The following ANO6 variants were observed in gnomAD, a reference collection of about 807,000 sequenced individuals.
The protein encoded by ANO6 is anoctamin-6.
Under a neutral mutation model 117.5 loss-of-function variants are expected in ANO6, and 106 were observed. The ratio of observed to expected loss-of-function variants is 0.90; its 90% CI spans 0.77 to 1.06. ANO6 has a LOEUF of 1.06. ANO6 is among the 50% of genes least tolerant of loss of function. The pLI, the probability that ANO6 is intolerant of heterozygous loss-of-function variation, is 0.00. For synonymous variants in ANO6, 367 were observed against 385.1 expected (o/e 0.95, Z 0.55); for missense variants, 955 against 1,121.1 (o/e 0.85, Z 2.12).
intron 19 of ANO6, among the ~76,000 whole-genome samples, chr12:45,426,824 T>C: frequency 6.6e-6 from 1 of 152,060 alleles, no homozygotes; most frequent in East Asian, 1.9e-4. Flanking sequence ...GATGATCTCC[T>C]GGAGTCTGCT....
chr12:45,437,871 A>T (rs1365454446), intron 19 of ANO6, among the ~76,000 whole-genome samples: 1 of 152,176 alleles, frequency 6.6e-6, no homozygotes, highest in Non-Finnish European at 1.5e-5. Flanking sequence ...ACCCGACCTC[A>T]AAACTTTTAA....
At chr12:45,269,046 C>G (rs1938308765) in intron 1 of ANO6, among the ~76,000 whole-genome samples, 3 of 152,200 alleles carry the variant, frequency 2.0e-5, no homozygotes, top group Admixed American at 2.0e-4. Context: ...TCCAAGCTAA[C>G]AGCGGCAGCC....
chr12:45,350,892 T>G (rs1941263495), intron 7 of ANO6, 118 bp downstream of exon 7: 2 of 835,244 alleles, frequency 2.4e-6, no homozygotes, highest in Non-Finnish European at 3.9e-6. Flanking sequence ...CCCAGAGTGC[T>G]GAGCTTCGTT....
At chr12:45,406,873 A>C (rs1008143544) in intron 15 of ANO6, among the ~76,000 whole-genome samples, 2 of 152,242 alleles carry the variant, frequency 1.3e-5, no homozygotes, top group African/African-American at 4.8e-5. Context: ...GGAGTTGAAG[A>C]GGAAGTGAGA....
chr12:45,390,531 A>T, intron 12 of ANO6, 33 bp downstream of exon 12: 1 of 1,578,778 alleles, frequency 6.3e-7, no homozygotes. Flanking sequence ...TTGAATGATT[A>T]AAAATGTTTT....
intron 1 of ANO6, among the ~76,000 whole-genome samples, chr12:45,282,868 A>G (rs939315342): frequency 6.6e-6 from 1 of 152,220 alleles, no homozygotes; most frequent in Non-Finnish European, 1.5e-5. Context: ...AGCCACTGTT[A>G]ATAGTTTGAG....
chr12:45,301,459 G>T (rs532488140), intron 1 of ANO6, among the ~76,000 whole-genome samples: 1 of 150,052 alleles, frequency 6.7e-6, no homozygotes, highest in East Asian at 1.9e-4. Context: ...GTTTTTTAAT[G>T]TTTTTTAATT....
At chr12:45,267,474 G>C (rs1938256573) in intron 1 of ANO6, among the ~76,000 whole-genome samples, 1 of 152,130 alleles carries the variant, frequency 6.6e-6, no homozygotes, top group Non-Finnish European at 1.5e-5. Context: ...GGGGAGTTAT[G>C]ATTCCATAAC....
At chr12:45,269,604 G>A (rs1056593535) in intron 1 of ANO6, among the ~76,000 whole-genome samples, 1 of 152,200 alleles carries the variant, frequency 6.6e-6, no homozygotes. Flanking sequence ...AACCTCGGGG[G>A]TAGGGAATGT....
intron 2 of ANO6, among the ~76,000 whole-genome samples, chr12:45,316,448 G>C (rs1031371912): frequency 1.3e-5 from 2 of 152,042 alleles, no homozygotes; most frequent in African/African-American, 4.8e-5. Flanking sequence ...TCTAGGAAGA[G>C]GGAACTGCAT....
At chr12:45,227,427 C>A (rs549120968) in intron 1 of ANO6, among the ~76,000 whole-genome samples, 1 of 152,256 alleles carries the variant, frequency 6.6e-6, no homozygotes, top group African/African-American at 2.4e-5. Flanking sequence ...GGTCACCTAG[C>A]ACCTTGTGCC....
intron 2 of ANO6, among the ~76,000 whole-genome samples, chr12:45,325,860 G>C (rs1940442609): frequency 6.6e-6 from 1 of 152,072 alleles, no homozygotes; most frequent in Non-Finnish European, 1.5e-5. Flanking sequence ...TTCAGTAAGA[G>C]TCCTCTACCC....
At chr12:45,402,538 A>G (rs775698376) in intron 13 of ANO6, among the ~76,000 whole-genome samples, 1 of 152,198 alleles carries the variant, frequency 6.6e-6, no homozygotes, top group Non-Finnish European at 1.5e-5. Context: ...CCCACACTGC[A>G]TACGTCTGAG....
chr12:45,229,073 G>T (rs1394911556), intron 1 of ANO6, among the ~76,000 whole-genome samples: 1 of 152,192 alleles, frequency 6.6e-6, no homozygotes, highest in African/African-American at 2.4e-5. Flanking sequence ...CAGATGAGGT[G>T]AAGGTGATCT....
At chr12:45,412,875 C>T (rs61471266) in intron 16 of ANO6, among the ~76,000 whole-genome samples, 2,055 of 152,244 alleles carry the variant, frequency 0.013, 41 homozygotes, top group African/African-American at 0.047. Flanking sequence ...GATATTTGAA[C>T]TGGATTTTGA....
At chr12:45,303,583 C>G (rs188710217) in intron 2 of ANO6, among the ~76,000 whole-genome samples, 47 of 152,260 alleles carry the variant, frequency 3.1e-4, no homozygotes, top group Non-Finnish European at 6.0e-4. Context: ...TCAAGAACAG[C>G]CTTGAGTGTA....
chr12:45,408,534 G>A (rs1209912773), intron 15 of ANO6, among the ~76,000 whole-genome samples: 3 of 152,224 alleles, frequency 2.0e-5, no homozygotes, highest in East Asian at 1.9e-4. Flanking sequence ...TGGACAGAGC[G>A]CTGGGACGCA....
intron 9 of ANO6, among the ~76,000 whole-genome samples, chr12:45,377,460 C>G (rs902406022): frequency 5.9e-5 from 9 of 152,198 alleles, no homozygotes; most frequent in African/African-American, 2.2e-4. Context: ...AAAAGCACCT[C>G]TGCATCCTTT....
intron 9 of ANO6, among the ~76,000 whole-genome samples, chr12:45,375,257 A>T (rs1315058114): frequency 1.3e-5 from 2 of 152,236 alleles, no homozygotes; most frequent in African/African-American, 4.8e-5. Context: ...AAGAATCAAT[A>T]TCGTGAAAAT....
Sources: gnomAD v4.1 joint callset for allele counts (sites outside exome capture counted in the v4.1 genomes callset) on GRCh38, gnomAD v4.1.1 for gene constraint, MANE v1.5 for transcripts, NCBI Gene and HGNC (gene_info 2026-07-23, HGNC 2026-07-21) for gene names.